Variants in JARID2 observed in about 807,000 individuals in gnomAD.
JARID2 encodes jumonji and AT-rich interaction domain containing 2, also known as protein Jumonji.
A neutral mutation model predicts 125.6 loss-of-function variants in JARID2; 21 were observed. That is an observed-to-expected ratio of 0.17 (90% confidence interval 0.12 to 0.24). The LOEUF (loss-of-function observed/expected upper bound fraction) is 0.24, where lower values mean the gene tolerates loss of function less well. Ranked by LOEUF, JARID2 falls within the 10% of genes least tolerant of loss-of-function variation. The pLI, the probability that JARID2 is intolerant of heterozygous loss-of-function variation, is 1.00. For missense variants in JARID2, 1,303 were observed against 1,639.6 expected (o/e 0.79, Z 3.55); for synonymous variants, 736 against 661.6 (o/e 1.11, Z -1.73).
intron 5 of JARID2, among the ~76,000 whole-genome samples, chr6:15,472,391 T>A (rs1769120332): frequency 6.6e-6 from 1 of 152,176 alleles, no homozygotes; most frequent in South Asian, 2.1e-4. Context: ...TACAAACCTT[T>A]CTGTGCTTCC....
chr6:15,504,607 C>G lies in JARID2; in HGVS notation c.2541+15C>G. ...CCGAAATCGAGGTGAGAGAAGGGGCCCCTCACGCTGCCTCTCATGGTGTGG... is the reference window on the plus strand; with the variant it reads ...CCGAAATCGAGGTGAGAGAAGGGGCGCCTCACGCTGCCTCTCATGGTGTGG... On this transcript the variant is annotated intron_variant, in intron 9 of 17. Transcript: ENST00000341776. The G allele has an allele frequency of 6.4e-7, 1 of 1,563,252 alleles. No homozygotes were observed. The highest frequency in any genetic ancestry group is 1.1e-5 in the South Asian group (1 of 90,100).
chr6:15,477,647 T>A (rs933356067), intron 5 of JARID2, among the ~76,000 whole-genome samples: 2 of 152,112 alleles, frequency 1.3e-5, no homozygotes, highest in Non-Finnish European at 2.9e-5. Flanking sequence ...GCATCATGAT[T>A]ACAGCACTGA....
chr6:15,461,194 A>G (rs1428805010), intron 4 of JARID2, among the ~76,000 whole-genome samples: 1 of 152,228 alleles, frequency 6.6e-6, no homozygotes, highest in Non-Finnish European at 1.5e-5. Context: ...AGTGCAGACA[A>G]CAATATAGGA....
chr6:15,465,459 T>G (rs117453653), intron 4 of JARID2, among the ~76,000 whole-genome samples: 1 of 151,648 alleles, frequency 6.6e-6, no homozygotes, highest in African/African-American at 2.4e-5. Flanking sequence ...TCAAACAATA[T>G]CTTATCCTTT....
intron 1 of JARID2, among the ~76,000 whole-genome samples, chr6:15,289,995 A>AGTGAGCT (rs1761146416): frequency 6.6e-6 from 1 of 152,252 alleles, no homozygotes; most frequent in Non-Finnish European, 1.5e-5. Flanking sequence ...CAGACAAATT[A>AGTGAGCT]GTGAGCTTCT....
chr6:15,512,453 C>T (rs140159152), intron 14 of JARID2, 63 bp downstream of exon 14: 12 of 1,488,544 alleles, frequency 8.1e-6, no homozygotes, highest in East Asian at 4.5e-5. Context: ...CGTGCGTGAG[C>T]GCACACAGAA....
At chr6:15,255,170 T>A (rs1370602863) in intron 1 of JARID2, among the ~76,000 whole-genome samples, 1 of 141,942 alleles carries the variant, frequency 7.0e-6, no homozygotes, top group East Asian at 2.1e-4. Flanking sequence ...GAGACGAGTC[T>A]CACTTTGTTG....
At position 15,415,329 on chromosome 6, in the gene JARID2, C is replaced by G. The variant is rs115563806; in HGVS notation, c.323+4964C>G. Among the ~76,000 whole-genome samples the G allele has an allele frequency of 7.2e-3, 1,100 of 152,374 alleles. 14 individuals are homozygous for G. Among genetic ancestry groups the G allele is most frequent in the African/African-American group, 0.025 (1,046 of 41,594 alleles). ...TGGCCCGTTCCCAATGAGCTGCCGG[C>G]TACACCTCCCAGACGGGGCGGTGGC... On this transcript the variant is annotated intron_variant, in intron 3 of 17. Coordinates refer to ENST00000341776, the MANE Select transcript of JARID2 (RefSeq NM_004973.4).
chr6:15,343,262 C>T (rs1176747264), intron 1 of JARID2, among the ~76,000 whole-genome samples: 167 of 140,804 alleles, frequency 1.2e-3, no homozygotes, highest in Non-Finnish European at 2.1e-3. Flanking sequence ...GGAATAGCTG[C>T]TTTACTTCAC....
intron 3 of JARID2, among the ~76,000 whole-genome samples, chr6:15,448,248 T>G (rs1455898893): frequency 1.3e-5 from 2 of 152,232 alleles, no homozygotes; most frequent in Non-Finnish European, 2.9e-5. Flanking sequence ...TGTTATTGCC[T>G]TATTTTTCAT....
chr6:15,389,200 GC>G (rs982491618), intron 2 of JARID2, among the ~76,000 whole-genome samples: 65 of 151,956 alleles, frequency 4.3e-4, no homozygotes, highest in African/African-American at 1.6e-3. Context: ...TTTTTCTGTT[GC>G]CCAGGCTGTA....
At chr6:15,386,580 C>G (rs1194340471) in intron 2 of JARID2, among the ~76,000 whole-genome samples, 1 of 152,224 alleles carries the variant, frequency 6.6e-6, no homozygotes, top group Non-Finnish European at 1.5e-5. Flanking sequence ...AGGTGATCCC[C>G]CCTCCTACTG....
chr6:15,384,700 G>A (rs955846397), intron 2 of JARID2, among the ~76,000 whole-genome samples: 5 of 151,810 alleles, frequency 3.3e-5, no homozygotes, highest in East Asian at 1.9e-4. Flanking sequence ...TTAACATCCC[G>A]CCCCAACCCC....
chr6:15,293,530 CTATT>C (rs1462624631), intron 1 of JARID2, among the ~76,000 whole-genome samples: 1 of 152,156 alleles, frequency 6.6e-6, no homozygotes, highest in Admixed American at 6.5e-5. Flanking sequence ...AAATGTATTT[CTATT>C]TATTTAGTAA....
chr6:15,353,975 C>T (rs1170072325), intron 1 of JARID2, among the ~76,000 whole-genome samples: 2 of 152,224 alleles, frequency 1.3e-5, no homozygotes, highest in Non-Finnish European at 2.9e-5. Context: ...TAACAGTCCC[C>T]TCTGTGCCAG....
At chr6:15,255,268 C>T (rs1759619451) in intron 1 of JARID2, among the ~76,000 whole-genome samples, 1 of 151,506 alleles carries the variant, frequency 6.6e-6, no homozygotes, top group South Asian at 2.1e-4. Flanking sequence ...CCATGCCCAG[C>T]TAATTTTTGT....
At chr6:15,397,204 C>G (rs550726830) in intron 2 of JARID2, among the ~76,000 whole-genome samples, 7 of 150,028 alleles carry the variant, frequency 4.7e-5, no homozygotes, top group Non-Finnish European at 1.0e-4. Flanking sequence ...TTTTGAAAGT[C>G]AAATATTAGC....
intron 1 of JARID2, among the ~76,000 whole-genome samples, chr6:15,373,640 A>G (rs948469798): frequency 2.6e-5 from 4 of 152,178 alleles, no homozygotes; most frequent in Non-Finnish European, 5.9e-5. Context: ...CCTTGAATGC[A>G]CAGCACCCAT....
At chr6:15,491,436 C>G (rs1190375203) in intron 6 of JARID2, among the ~76,000 whole-genome samples, 1 of 152,226 alleles carries the variant, frequency 6.6e-6, no homozygotes, top group Non-Finnish European at 1.5e-5. Context: ...GTGCATTTCG[C>G]TTCTGTTTAG....
Sources: allele counts gnomAD v4.1 joint callset (sites outside exome capture counted in the v4.1 genomes callset), GRCh38; gene constraint gnomAD v4.1.1; transcripts MANE v1.5; gene names NCBI Gene and HGNC (gene_info 2026-07-23, HGNC 2026-07-21).